PRELID2: variants seen among roughly 807,000 people sequenced by gnomAD.
The protein encoded by PRELID2 is PRELI domain-containing protein 2.
A neutral mutation model predicts 28.4 loss-of-function variants in PRELID2; 25 were observed. That is an observed-to-expected ratio of 0.88 (90% CI 0.64 to 1.23). The LOEUF (loss-of-function observed/expected upper bound fraction) is 1.23. PRELID2 is among the 50% of genes most tolerant of loss of function. The pLI, the probability that PRELID2 is intolerant of heterozygous loss-of-function variation, is 0.00. For synonymous variants in PRELID2, 76 were observed against 71.6 expected (o/e 1.06, Z -0.31); for missense variants, 201 against 214.4 (o/e 0.94, Z 0.39).
At chr5:145,243,079 T>C in the PRELID2 span, among the ~76,000 whole-genome samples, 5 of 152,128 alleles carry the variant, frequency 3.3e-5, no homozygotes, top group African/African-American at 1.2e-4. Context: ...TAACAGAAAA[T>C]TATACTTTCT....
At chr5:145,320,535 G>C in the PRELID2 span, among the ~76,000 whole-genome samples, 8 of 152,100 alleles carry the variant, frequency 5.3e-5, no homozygotes, top group South Asian at 2.1e-4. Flanking sequence ...AATGACCCAG[G>C]AGTTAGGTTA....
chr5:145,642,603 T>C (rs1754125750), intron 1 of PRELID2, among the ~76,000 whole-genome samples: 1 of 152,268 alleles, frequency 6.6e-6, no homozygotes, highest in Non-Finnish European at 1.5e-5. Context: ...GCCTATGTCC[T>C]GAATGGTATT....
the PRELID2 span, among the ~76,000 whole-genome samples, chr5:145,276,485 C>T: frequency 6.6e-6 from 1 of 152,134 alleles, no homozygotes; most frequent in African/African-American, 2.4e-5. Flanking sequence ...AATATTGGTA[C>T]TCTCTGAAAT....
At chr5:145,446,785 G>A in the PRELID2 span, among the ~76,000 whole-genome samples, 5 of 152,114 alleles carry the variant, frequency 3.3e-5, no homozygotes, top group African/African-American at 7.2e-5. Context: ...AGTGGCTCAC[G>A]CCTGTAATAT....
At chr5:145,234,365 G>A in the PRELID2 span, among the ~76,000 whole-genome samples, 3 of 152,240 alleles carry the variant, frequency 2.0e-5, no homozygotes, top group Admixed American at 6.5e-5. Context: ...CTGAGGCTTA[G>A]AGGTTTTAAA....
intron 5 of PRELID2, among the ~76,000 whole-genome samples, chr5:145,777,739 T>C (rs573129750): frequency 6.6e-6 from 1 of 152,084 alleles, no homozygotes; most frequent in South Asian, 2.1e-4. Flanking sequence ...ACGGAGCAGG[T>C]AGAAACCCTG....
intron 1 of PRELID2, among the ~76,000 whole-genome samples, chr5:145,548,028 C>T (rs977033522): frequency 2.6e-5 from 4 of 152,170 alleles, no homozygotes; most frequent in African/African-American, 9.7e-5. Context: ...TATAATGACT[C>T]CCTTGCAGCA....
chr5:145,450,385 CA>C, the PRELID2 span, among the ~76,000 whole-genome samples: 1 of 152,034 alleles, frequency 6.6e-6, no homozygotes, highest in African/African-American at 2.4e-5. Context: ...AAAATATTAG[CA>C]GAAAGCCATG....
At chr5:145,414,975 C>T in the PRELID2 span, among the ~76,000 whole-genome samples, 1 of 152,200 alleles carries the variant, frequency 6.6e-6, no homozygotes, top group Non-Finnish European at 1.5e-5. Flanking sequence ...GACCTGAACT[C>T]AGCTCTGGAT....
the PRELID2 span, among the ~76,000 whole-genome samples, chr5:145,291,590 G>A: frequency 3.9e-5 from 6 of 152,048 alleles, no homozygotes; most frequent in Non-Finnish European, 8.8e-5. Flanking sequence ...GGTTTGTGAT[G>A]CTTCGTTATG....
chr5:145,568,413 T>C (rs1752986980), intron 1 of PRELID2, among the ~76,000 whole-genome samples: 1 of 152,252 alleles, frequency 6.6e-6, no homozygotes, highest in South Asian at 2.1e-4. Flanking sequence ...ACGACTATTC[T>C]CAATCACTGG....
the PRELID2 span, among the ~76,000 whole-genome samples, chr5:145,232,619 A>G: frequency 6.6e-6 from 1 of 152,170 alleles, no homozygotes; most frequent in Non-Finnish European, 1.5e-5. Flanking sequence ...TCTCAACTAG[A>G]CTGGCAACTT....
chr5:145,360,339 G>A, the PRELID2 span, among the ~76,000 whole-genome samples: 3 of 152,134 alleles, frequency 2.0e-5, no homozygotes, highest in African/African-American at 7.2e-5. Flanking sequence ...AGAGAAGACA[G>A]AAAAGGCAAA....
At chr5:145,258,876 C>T in the PRELID2 span, among the ~76,000 whole-genome samples, 1 of 152,238 alleles carries the variant, frequency 6.6e-6, no homozygotes, top group South Asian at 2.1e-4. Flanking sequence ...AGGCCAGCCC[C>T]TCCTATCACA....
intron 1 of PRELID2, among the ~76,000 whole-genome samples, chr5:145,736,968 A>T (rs1482151371): frequency 6.6e-6 from 1 of 152,102 alleles, no homozygotes; most frequent in Non-Finnish European, 1.5e-5. Context: ...TCAGGAGAAG[A>T]CCTCAGGAAC....
At chr5:145,252,537 T>C in the PRELID2 span, among the ~76,000 whole-genome samples, 1 of 152,168 alleles carries the variant, frequency 6.6e-6, no homozygotes, top group Non-Finnish European at 1.5e-5. Context: ...ACATAATTCC[T>C]AGTACAAAGG....
intron 1 of PRELID2, among the ~76,000 whole-genome samples, chr5:145,745,379 T>C (rs1272730615): frequency 6.6e-6 from 1 of 152,082 alleles, no homozygotes; most frequent in Non-Finnish European, 1.5e-5. Context: ...AGATATTCCA[T>C]AGCAGATCAA....
chr5:145,491,256 T>G (rs143847976), intron 1 of PRELID2, among the ~76,000 whole-genome samples: 1 of 152,204 alleles, frequency 6.6e-6, no homozygotes, highest in Admixed American at 6.5e-5. Context: ...CTGGTAAGGC[T>G]ATGCTTTCTC....
At chr5:145,508,368 T>G (rs988485947) in intron 1 of PRELID2, among the ~76,000 whole-genome samples, 1 of 152,026 alleles carries the variant, frequency 6.6e-6, no homozygotes, top group Non-Finnish European at 1.5e-5. Context: ...TAAACAGACA[T>G]ATAGTTGTAT....
Sources: gnomAD v4.1 joint callset for allele counts (sites outside exome capture counted in the v4.1 genomes callset) on GRCh38, gnomAD v4.1.1 for gene constraint, MANE v1.5 for transcripts, NCBI Gene and HGNC (gene_info 2026-07-23, HGNC 2026-07-21) for gene names.